Variants in TSNARE1 observed in about 807,000 individuals in gnomAD.
The protein encoded by TSNARE1 is t-SNARE domain-containing protein 1.
TSNARE1 carries 49 observed loss-of-function variants against 62.0 expected under a neutral mutation model. The ratio of observed to expected loss-of-function variants is 0.79; its 90% CI spans 0.63 to 1.00. The LOEUF is 1.00. TSNARE1 is among the 50% of genes least tolerant of loss of function. TSNARE1 has a pLI of 0.00. For synonymous variants in TSNARE1, 328 were observed against 294.4 expected (o/e 1.11, Z -1.17); for missense variants, 755 against 700.1 (o/e 1.08, Z -0.88).
intron 12 of TSNARE1, among the ~76,000 whole-genome samples, chr8:142,261,028 GA>G (rs1265851959): frequency 1.8e-5 from 2 of 113,748 alleles, no homozygotes; most frequent in African/African-American, 3.4e-5. Flanking sequence ...AGACAGGGAG[GA>G]GAGAAAGAGG....
At chr8:142,367,156 A>G (rs1835607156) in intron 1 of TSNARE1, among the ~76,000 whole-genome samples, 1 of 152,248 alleles carries the variant, frequency 6.6e-6, no homozygotes, top group African/African-American at 2.4e-5. Flanking sequence ...GTTCTTGAAT[A>G]GAATGACTGT....
At chr8:142,365,611 C>CACAT (rs1835485889) in intron 1 of TSNARE1, among the ~76,000 whole-genome samples, 1 of 148,574 alleles carries the variant, frequency 6.7e-6, no homozygotes, top group Non-Finnish European at 1.5e-5. Flanking sequence ...CGCACACACA[C>CACAT]ACACACACAC....
intron 9 of TSNARE1, among the ~76,000 whole-genome samples, chr8:142,310,505 C>T (rs1298589597): frequency 2.0e-5 from 3 of 152,188 alleles, no homozygotes; most frequent in African/African-American, 4.8e-5. Context: ...TCCTTTTCCA[C>T]GTGGAGGGGG....
chr8:142,339,741 G>A (rs1376902117), intron 4 of TSNARE1, among the ~76,000 whole-genome samples: 2 of 152,242 alleles, frequency 1.3e-5, no homozygotes, highest in Admixed American at 6.5e-5. Context: ...GGAGGTCTGC[G>A]GGAAAGGCAG....
At chr8:142,321,114 A>G (rs766147009) in intron 6 of TSNARE1, among the ~76,000 whole-genome samples, 3 of 152,148 alleles carry the variant, frequency 2.0e-5, no homozygotes, top group Admixed American at 6.5e-5. Context: ...GCCAACCAGA[A>G]AACCCAAGAC....
chr8:142,404,245 A>G (rs116757543), upstream of TSNARE1: 3,609 of 152,506 alleles, frequency 0.024, 50 homozygotes, highest in East Asian at 0.047. Flanking sequence ...TCTGCAGCCC[A>G]GGACTGTGCA....
At chr8:142,287,086 C>G (rs1822885405) in intron 10 of TSNARE1, among the ~76,000 whole-genome samples, 1 of 152,260 alleles carries the variant, frequency 6.6e-6, no homozygotes, top group Admixed American at 6.5e-5. Flanking sequence ...TCACTACCAC[C>G]ATCAACGCGG....
At chr8:142,306,595 C>T (rs917314735) in intron 9 of TSNARE1, among the ~76,000 whole-genome samples, 36 of 152,212 alleles carry the variant, frequency 2.4e-4, no homozygotes, top group African/African-American at 8.2e-4. Flanking sequence ...AGGCAAGAGA[C>T]GGGGAAGGCA....
intron 10 of TSNARE1, among the ~76,000 whole-genome samples, chr8:142,292,985 C>T (rs1162678400): frequency 3.9e-5 from 6 of 152,172 alleles, no homozygotes; most frequent in Admixed American, 3.3e-4. Flanking sequence ...GGGGGGGCCA[C>T]GTGTCAGACC....
rs748188259 is a variant in TSNARE1 at position 142,274,863 on chromosome 8, T to C, written c.1364A>G (p.Asp455Gly). 8 of 1,556,912 alleles carry C rather than the reference T, an allele frequency of 5.1e-6. No individual in the cohort carries two copies. The East Asian group carries it at 9.9e-5, about 19-fold the overall frequency. Reference protein sequence around the residue: ...SMVSEQGEAVDSIEASLEAAS... With the variant: ...SMVSEQGEAVGSIEASLEAAS... ...AGCCTCAAGGCTGGCTTCAATACTA[T>C]CTGCAAATCAAGACAACAGAAGGCA... Residue 455 changes from aspartate (D) to glycine (G), a missense_variant and splice_region_variant, in exon 12 of 14, where the codon GAT becomes GGT. Coordinates refer to ENST00000524325, the MANE Select transcript of TSNARE1 (RefSeq NM_145003.5).
intron 12 of TSNARE1, among the ~76,000 whole-genome samples, chr8:142,267,782 C>T (rs112202903): frequency 3.3e-5 from 5 of 152,316 alleles, no homozygotes; most frequent in African/African-American, 1.2e-4. Flanking sequence ...TCCTGGTAAA[C>T]ATTTGGGCTG....
At chr8:142,358,295 C>T (rs1834904001) in intron 1 of TSNARE1, among the ~76,000 whole-genome samples, 1 of 151,676 alleles carries the variant, frequency 6.6e-6, no homozygotes, top group African/African-American at 2.4e-5. Flanking sequence ...CAGCCAGCGG[C>T]CATCACTGCA....
chr8:142,295,998 G>A (rs1242020090), intron 10 of TSNARE1, among the ~76,000 whole-genome samples: 1 of 127,720 alleles, frequency 7.8e-6, no homozygotes, highest in South Asian at 3.0e-4. Context: ...TGTCATGGGA[G>A]GGGGGAGGTC....
Position 142,337,443 on chromosome 8 carries a change from C to T in TSNARE1, c.746-5612G>A, listed in dbSNP as rs537732642. On this transcript the variant is annotated intron_variant, in intron 4 of 13. Transcript: ENST00000524325. Reference sequence around the variant, plus strand: ...AGCTGGAGAACGCGAAAGCATCCATCGATAAGTGGAAACGCAGGCTGTGCT... The same window carrying T: ...AGCTGGAGAACGCGAAAGCATCCATTGATAAGTGGAAACGCAGGCTGTGCT... Among the ~76,000 whole-genome samples, 40 of 152,358 alleles carry T rather than the reference C, an allele frequency of 2.6e-4. No homozygotes were observed. In the South Asian group the frequency reaches 7.9e-3, roughly 30 times the overall value.
intron 10 of TSNARE1, among the ~76,000 whole-genome samples, chr8:142,285,788 A>G (rs1822637202): frequency 6.6e-6 from 1 of 152,092 alleles, no homozygotes; most frequent in Non-Finnish European, 1.5e-5. Context: ...TCCATCTTCC[A>G]TGCTGTCTAC....
At chr8:142,380,532 T>C (rs7833344) in intron 1 of TSNARE1, among the ~76,000 whole-genome samples, 68,481 of 138,516 alleles carry the variant, frequency 0.49, 18,803 homozygotes, top group African/African-American at 0.76. Flanking sequence ...CCTGCACTCA[T>C]CTAGCCCAGG....
At chr8:142,252,526 C>G (rs1032685335) in intron 12 of TSNARE1, among the ~76,000 whole-genome samples, 1 of 152,236 alleles carries the variant, frequency 6.6e-6, no homozygotes, top group Admixed American at 6.5e-5. Context: ...AGCGCCCCAG[C>G]AGGAGCTACC....
chr8:142,270,036 A>G, intron 12 of TSNARE1: 1 of 985,442 alleles, frequency 1.0e-6, no homozygotes, highest in Non-Finnish European at 1.2e-6. Flanking sequence ...CACTCAAGCC[A>G]GTCAGCCAGC....
At chr8:142,382,754 G>A (rs746279476) in intron 1 of TSNARE1, among the ~76,000 whole-genome samples, 53 of 152,354 alleles carry the variant, frequency 3.5e-4, no homozygotes, top group Middle Eastern at 3.4e-3. Flanking sequence ...GAGAGAAGGG[G>A]CCCGGTAGGC....
Sources: gnomAD v4.1 joint callset for allele counts (sites outside exome capture counted in the v4.1 genomes callset) on GRCh38, gnomAD v4.1.1 for gene constraint, MANE v1.5 for transcripts, NCBI Gene and HGNC (gene_info 2026-07-23, HGNC 2026-07-21) for gene names.